The following OVCH1 variants were observed in gnomAD, a reference collection of about 807,000 sequenced individuals.
The protein encoded by OVCH1 is ovochymase 1.
In OVCH1, 139 loss-of-function variants were observed where a neutral mutation model predicts 138.4. That is an observed-to-expected ratio of 1.00 (90% confidence interval 0.87 to 1.16). The LOEUF is 1.16. Among genes scored for constraint, OVCH1 ranks in the 50% most tolerant of loss-of-function variants. OVCH1 has a pLI of 0.00. For missense variants in OVCH1, 1,367 were observed against 1,357.9 expected, an observed-to-expected ratio of 1.01 and a Z score of -0.11; for synonymous variants, 453 against 467.8, an observed-to-expected ratio of 0.97 and a Z score of 0.41.
chr12:29,416,137 A>C (rs975964951), intron 3 of OVCH1, among the ~76,000 whole-genome samples: 13 of 152,094 alleles, frequency 8.5e-5, no homozygotes, highest in Non-Finnish European at 1.9e-4. Context: ...ACTTCAACCT[A>C]AACCTTACAC....
intron 26 of OVCH1, among the ~76,000 whole-genome samples, chr12:29,437,655 T>C (rs1215825463): frequency 6.6e-6 from 1 of 152,176 alleles, no homozygotes; most frequent in East Asian, 1.9e-4. Context: ...CTGCCCTCTT[T>C]AGTAAAGAGA....
chr12:29,451,430 C>T (rs747321202), exon 22 of OVCH1: 2 of 1,613,250 alleles, frequency 1.2e-6, no homozygotes, highest in East Asian at 4.5e-5. Flanking sequence ...GTGACAGATA[C>T]TCAATGGTAA....
Position 29,477,239 on chromosome 12 carries a change from A to G in OVCH1, c.1247-7T>C. ...AGACTCCCACAACCTGACCCTGTGG[A>G]AGCATTGGGGAAATTCAAAGTGAAT... On this transcript the variant is annotated splice_region_variant and splice_polypyrimidine_tract_variant and intron_variant, in intron 11 of 27. Transcript: ENST00000318184. 1.9e-6 allele frequency: 3 copies of G among 1,613,532 alleles called. No homozygotes were observed. Among genetic ancestry groups the G allele is most frequent in the Non-Finnish European group, 2.5e-6 (3 of 1,179,672 alleles).
intron 4 of OVCH1, among the ~76,000 whole-genome samples, chr12:29,493,009 A>G (rs1027949725): frequency 1.3e-5 from 2 of 152,210 alleles, no homozygotes; most frequent in Non-Finnish European, 2.9e-5. Flanking sequence ...AGAGGTCATT[A>G]GTGACTGTGA....
intron 21 of OVCH1, among the ~76,000 whole-genome samples, chr12:29,454,435 T>A (rs1406535805): frequency 1.3e-5 from 2 of 152,162 alleles, no homozygotes; most frequent in African/African-American, 4.8e-5. Context: ...TCCTCTTTTA[T>A]CAAACAGAGA....
chr12:29,432,022 A>G (rs987433687), intron 27 of OVCH1, among the ~76,000 whole-genome samples: 1 of 152,136 alleles, frequency 6.6e-6, no homozygotes, highest in African/African-American at 2.4e-5. Flanking sequence ...CTTGAGTACT[A>G]TTTACCACGC....
At chr12:29,472,917 T>C (rs1942563279) in intron 15 of OVCH1, 112 bp downstream of exon 15, 3 of 902,430 alleles carry the variant, frequency 3.3e-6, no homozygotes, top group Admixed American at 2.8e-5. Flanking sequence ...ATAAGACTCA[T>C]TCTTCTTCAC....
intron 25 of OVCH1, among the ~76,000 whole-genome samples, chr12:29,442,389 G>A (rs186866099): frequency 6.0e-5 from 8 of 134,242 alleles, no homozygotes; most frequent in African/African-American, 1.1e-4. Context: ...ACCAAACACC[G>A]CATATTCTCA....
At chr12:29,496,348 G>T in intron 2 of OVCH1, 70 bp from the exon 3 acceptor site, 1 of 1,318,994 alleles carries the variant, frequency 7.6e-7, no homozygotes, top group South Asian at 1.3e-5. Context: ...CGGAAACACT[G>T]GAGATCAACT....
intron 7 of OVCH1, 163 bp downstream of exon 7, chr12:29,487,530 T>C (rs1380506252): frequency 1.6e-6 from 1 of 625,422 alleles, no homozygotes; most frequent in Non-Finnish European, 2.6e-6. Flanking sequence ...TATTGACAGA[T>C]TTCTGTACTC....
chr12:29,447,875 C>A (rs571113704), intron 22 of OVCH1, among the ~76,000 whole-genome samples: 1 of 152,052 alleles, frequency 6.6e-6, no homozygotes, highest in Non-Finnish European at 1.5e-5. Context: ...TGTGAAGTGC[C>A]TTCTATGTGT....
At chr12:29,449,646 T>C (rs1022045263) in intron 22 of OVCH1, among the ~76,000 whole-genome samples, 22 of 152,264 alleles carry the variant, frequency 1.4e-4, no homozygotes, top group African/African-American at 4.8e-4. Context: ...AGTTCACTCA[T>C]GATTTGGCTG....
intron 5 of OVCH1, 98 bp downstream of exon 5, chr12:29,490,999 A>C: frequency 1.1e-6 from 1 of 940,032 alleles, no homozygotes; most frequent in African/African-American, 1.7e-5. Context: ...GTTATAAAAA[A>C]TGATAAATGT....
chr12:29,471,743 T>C, intron 16 of OVCH1, 59 bp downstream of exon 16: 1 of 1,490,002 alleles, frequency 6.7e-7, no homozygotes, highest in Admixed American at 2.1e-5. Flanking sequence ...CCTTGTGTCC[T>C]AGGCATTACT....
intron 26 of OVCH1, among the ~76,000 whole-genome samples, chr12:29,437,693 A>G (rs1389928831): frequency 6.6e-6 from 1 of 152,230 alleles, no homozygotes; most frequent in East Asian, 1.9e-4. Flanking sequence ...TCATTGTGAC[A>G]AGAAACAAGA....
At chr12:29,466,323 TTATC>T (rs973137203) in intron 16 of OVCH1, among the ~76,000 whole-genome samples, 3 of 141,716 alleles carry the variant, frequency 2.1e-5, no homozygotes, top group Non-Finnish European at 4.4e-5. Context: ...AGTACTGTAT[TTATC>T]AATATCTTAA....
At chr12:29,486,536 C>T (rs1367201246) in intron 7 of OVCH1, among the ~76,000 whole-genome samples, 188 bp from the exon 8 acceptor site, 1 of 152,148 alleles carries the variant, frequency 6.6e-6, no homozygotes, top group African/African-American at 2.4e-5. Context: ...TACGTGGAAG[C>T]AGGAATTGAT....
intron 16 of OVCH1, 107 bp downstream of exon 16, chr12:29,471,695 C>G: frequency 8.0e-7 from 1 of 1,247,400 alleles, no homozygotes; most frequent in Non-Finnish European, 1.1e-6. Flanking sequence ...AAAGAAGATT[C>G]TTGCTCTAGA....
At chr12:29,497,143 C>T (rs1295090831) in intron 1 of OVCH1, among the ~76,000 whole-genome samples, 2 of 152,130 alleles carry the variant, frequency 1.3e-5, no homozygotes, top group Non-Finnish European at 2.9e-5. Context: ...GTGGTACGTG[C>T]CTATGGTCCC....
Sources: allele counts gnomAD v4.1 joint callset (sites outside exome capture counted in the v4.1 genomes callset), GRCh38; gene constraint gnomAD v4.1.1; transcripts MANE v1.5; gene names NCBI Gene and HGNC (gene_info 2026-07-23, HGNC 2026-07-21).